PCDHGB5: variants seen among roughly 807,000 people sequenced by gnomAD.
PCDHGB5 encodes the protein protocadherin gamma subfamily B, 5.
In PCDHGB5, 48 loss-of-function variants were observed where a neutral mutation model predicts 62.9. That is an observed-to-expected ratio of 0.76 (90% CI 0.61 to 0.97). The LOEUF is 0.97. Among genes scored for constraint, PCDHGB5 ranks in the 50% least tolerant of loss-of-function variants. PCDHGB5 has a pLI of 0.00. For synonymous variants in PCDHGB5, 474 were observed against 511.2 expected (o/e 0.93, Z 0.98); for missense variants, 1,118 against 1,198.6 (o/e 0.93, Z 0.99).
rs759742074 is a variant in PCDHGB5 at position 141,403,012 on chromosome 5, G to T, written c.2397+2488G>T. On this transcript the variant is annotated intron_variant, in intron 1 of 3. Transcript: ENST00000617380. ...GATTAGTCCTGCTATGCTCGCTCCT[G>T]GGGATGCTATGGGAGGCCAGGGCCA... 8.1e-6 allele frequency: 13 copies of T among 1,614,072 alleles called. 1 individual carries two copies. The South Asian group carries it at 1.4e-4, about 18-fold the overall frequency.
In PCDHGB5 at chr5:141,477,967, C is replaced by T. The variant is rs756216038; in HGVS notation, c.2398-16840C>T. Reference sequence around the variant, plus strand: ...GTCTCTTGGGATCCCCTAACCAGAGCCTTTTTGCCATAGGGCTGCACACTG... The same window carrying T: ...GTCTCTTGGGATCCCCTAACCAGAGTCTTTTTGCCATAGGGCTGCACACTG... On this transcript the variant is annotated intron_variant, in intron 1 of 3. Coordinates refer to ENST00000617380, the MANE Select transcript of PCDHGB5 (RefSeq NM_018925.3). This position sits in a 1 kb window ranked among gnomAD's most constrained non-coding sequence, Gnocchi z 4.9. The T allele has an allele frequency of 8.7e-6, 14 of 1,614,032 alleles. No individual in the cohort carries two copies. In the South Asian group the frequency reaches 1.2e-4, roughly 14 times the overall value.
rs780541121 is a variant in PCDHGB5 at position 141,477,533 on chromosome 5, G to A, written c.2398-17274G>A. ...TTACATTGAAGAAAACAACCTCCCCGGGGCTCCAATACTAAACCTAAGTGT... is the reference window on the plus strand; with the variant it reads ...TTACATTGAAGAAAACAACCTCCCCAGGGCTCCAATACTAAACCTAAGTGT... On this transcript the variant is annotated intron_variant, in intron 1 of 3. Coordinates refer to ENST00000617380, the MANE Select transcript of PCDHGB5 (RefSeq NM_018925.3). This position sits in a 1 kb window ranked among gnomAD's most constrained non-coding sequence, Gnocchi z 4.9. The A allele has an allele frequency of 6.2e-7, 1 of 1,614,010 alleles. No individual in the cohort carries two copies. The highest frequency in any genetic ancestry group is 1.1e-5 in the South Asian group (1 of 91,066).
intron 1 of PCDHGB5, chr5:141,424,504 GT>G (rs892941709): frequency 6.6e-6 from 1 of 152,016 alleles, no homozygotes; most frequent in Non-Finnish European, 1.5e-5. Context: ...TGTATGGAAG[GT>G]TTTTTAATGT....
intron 1 of PCDHGB5, chr5:141,415,906 A>C (rs2154546200): frequency 1.3e-6 from 1 of 784,990 alleles, no homozygotes; most frequent in East Asian, 3.5e-5. Context: ...ACAGACTTCC[A>C]TACAGAAGTG....
rs771408685 is a variant in PCDHGB5, at chr5:141,486,166, G to T, written c.2398-8641G>T. ...GCGATGGGGGTTCTCCAGCCATGGA[G>T]CAACATTGCAGCCTTCGAGTGGATC... is the stretch of plus-strand genomic sequence containing the variant. On this transcript the variant is annotated intron_variant, in intron 1 of 3. Transcript: ENST00000617380. The surrounding 1 kb of genome is among the most constrained non-coding windows in gnomAD (Gnocchi z 5.0). 1.9e-6 allele frequency: 3 copies of T among 1,614,106 alleles called. No homozygotes were observed. Among genetic ancestry groups the T allele is most frequent in the Non-Finnish European group, 2.5e-6 (3 of 1,180,048 alleles).
At position 141,399,672 on chromosome 5, in the gene PCDHGB5, C is replaced by T. The variant is rs1322373656; in HGVS notation, c.1545C>T (p.Ala515=). The T allele has an allele frequency of 6.2e-7, 1 of 1,613,510 alleles. No homozygotes were observed. The highest frequency in any genetic ancestry group is 1.7e-5 in the Admixed American group (1 of 60,008). ...AQSGVVFAQR[A]FDYEQLRTFE... is the part of the protein sequence containing the mutation. ...GTGGGGTGGTGTTCGCGCAGCGCGC[C>T]TTTGACTACGAGCAGCTGCGCACCT... The change falls in exon 1 of 4, where the codon GCC becomes GCT. Residue 515 remains alanine (A), a synonymous_variant. Coordinates refer to ENST00000617380, the MANE Select transcript of PCDHGB5 (RefSeq NM_018925.3).
At chr5:141,408,280 C>A in intron 1 of PCDHGB5, 4 of 1,612,648 alleles carry the variant, frequency 2.5e-6, no homozygotes, top group Non-Finnish European at 3.4e-6. Context: ...CTTTGTTCTA[C>A]CCCACCCTGA....
chr5:141,419,613 G>T (rs369914837), intron 1 of PCDHGB5: 144 of 1,612,020 alleles, frequency 8.9e-5, no homozygotes, highest in Admixed American at 1.5e-4. Context: ...GCGCAGCCAG[G>T]CTACCTGGTG....
rs1385557537 is a variant in PCDHGB5 at position 141,415,739 on chromosome 5, GGTT to G, written c.2397+15216_2397+15218del. 2.0e-4 allele frequency: 88 copies of G among 435,112 alleles called. 2 individuals are homozygous for G. In the African/African-American group the frequency reaches 2.4e-3, roughly 12 times the overall value. 27.0% of individuals were successfully genotyped at this position (435,112 alleles called of 1,614,324 possible). A position where few individuals can be genotyped will look rare whatever the true frequency, so the allele number is the denominator to read the frequency against. On this transcript the variant is annotated intron_variant, in intron 1 of 3. Coordinates refer to ENST00000617380, the MANE Select transcript of PCDHGB5 (RefSeq NM_018925.3). ...ATGAGTAGAATTTGATGTTTATTAA[GGTT>G]TTTTTTTTTTTTTTTTTTTTTTTTT...
At chr5:141,407,261 C>G (rs1396861077) in intron 1 of PCDHGB5, among the ~76,000 whole-genome samples, 1 of 152,128 alleles carries the variant, frequency 6.6e-6, no homozygotes, top group Non-Finnish European at 1.5e-5. Flanking sequence ...TATTTTTAAC[C>G]ATGCAACAAG....
chr5:141,449,154 A>G (rs2098630387), intron 1 of PCDHGB5, among the ~76,000 whole-genome samples: 1 of 152,180 alleles, frequency 6.6e-6, no homozygotes, highest in African/African-American at 2.4e-5. Flanking sequence ...TGGGTCAAAG[A>G]GGAAATAGGT....
At chr5:141,430,925 C>G (rs1313621122) in intron 1 of PCDHGB5, 2 of 1,607,162 alleles carry the variant, frequency 1.2e-6, no homozygotes, top group Non-Finnish European at 8.5e-7. Context: ...GGGGCTGGAG[C>G]CCCGGGAGCT....
chr5:141,457,413 A>C (rs939244132), intron 1 of PCDHGB5, among the ~76,000 whole-genome samples: 6 of 152,142 alleles, frequency 3.9e-5, no homozygotes, highest in Non-Finnish European at 5.9e-5. Flanking sequence ...CACATTACCC[A>C]TCCCTTTTTC....
chr5:141,400,192 G>A lies in PCDHGB5; in HGVS notation c.2065G>A (p.Val689Met), dbSNP rs1411721247. 6.2e-7 allele frequency: 1 copy of A among 1,614,088 alleles called. No individual in the cohort carries two copies. The highest frequency in any genetic ancestry group is 1.1e-5 in the South Asian group (1 of 91,088). Residue 689 changes from valine (V) to methionine (M), a missense_variant, in exon 1 of 4, where the codon GTG (valine) becomes ATG (methionine). Around this residue, in one of 2 missense-constraint regions of PCDHGB5, gnomAD observed 1,034 missense variants for 1,029.1 expected, o/e 1.00. Coordinates refer to ENST00000617380, the MANE Select transcript of PCDHGB5 (RefSeq NM_018925.3). Reference protein sequence around the residue: ...DPQAELQFYLVVALALISVLF... With the variant: ...DPQAELQFYLMVALALISVLF... Reference sequence around the variant, plus strand: ...CCAGGCTGAGCTGCAGTTTTACCTAGTGGTGGCCTTGGCCTTGATCTCAGT... The same window carrying A: ...CCAGGCTGAGCTGCAGTTTTACCTAATGGTGGCCTTGGCCTTGATCTCAGT...
At position 141,491,752 on chromosome 5, in the gene PCDHGB5, G is replaced by C. The variant is rs1464731659; in HGVS notation, c.2398-3055G>C. 6 of 1,586,646 alleles carry C rather than the reference G, an allele frequency of 3.8e-6. No homozygotes were observed. The African/African-American group carries it at 8.1e-5, about 21-fold the overall frequency. On this transcript the variant is annotated intron_variant, in intron 1 of 3. Transcript: ENST00000617380. The surrounding 1 kb of genome is among the most constrained non-coding windows in gnomAD (Gnocchi z 6.9). ...GACCCCTGGGGGCGGCACTGGAGAA[G>C]CCGCCCGTCCTCATAAGGGATTGAA...
In PCDHGB5 at chr5:141,486,005, A is replaced by G. The variant is rs1057476811; in HGVS notation, c.2398-8802A>G. On this transcript the variant is annotated intron_variant, in intron 1 of 3. Transcript: ENST00000617380. This position sits in a 1 kb window ranked among gnomAD's most constrained non-coding sequence, Gnocchi z 5.0. Reference sequence around the variant, plus strand: ...GGACCTGGGTCCCAGTGGTAACGTCACCTTTTATTTCAGTGGTCATACCCC... The same window carrying G: ...GGACCTGGGTCCCAGTGGTAACGTCGCCTTTTATTTCAGTGGTCATACCCC... 1.9e-6 allele frequency: 3 copies of G among 1,613,936 alleles called. No homozygotes were observed. The Admixed American group carries it at 5.0e-5, about 27-fold the overall frequency.
At chr5:141,413,661 T>G (rs2095664313) in intron 1 of PCDHGB5, 1 of 1,613,886 alleles carries the variant, frequency 6.2e-7, no homozygotes. Flanking sequence ...CGGAAGCTAT[T>G]GATCCGGATG....
chr5:141,418,738 T>G lies in PCDHGB5; in HGVS notation c.2397+18214T>G, dbSNP rs781221446. 4.3e-6 allele frequency: 7 copies of G among 1,613,964 alleles called. No homozygotes were observed. In the South Asian group the frequency reaches 6.6e-5, roughly 15 times the overall value. On this transcript the variant is annotated intron_variant, in intron 1 of 3. Transcript: ENST00000617380. ...CTGACAAAGCTCAGCACGTGTTCTC[T>G]CTGGATTACACTACAGGAAACATTC...
intron 3 of PCDHGB5, among the ~76,000 whole-genome samples, chr5:141,510,089 C>G (rs2099879446): frequency 6.6e-6 from 1 of 152,136 alleles, no homozygotes; most frequent in African/African-American, 2.4e-5. Flanking sequence ...GCCTGGCACA[C>G]AGTAGGTGCT....
Sources: allele counts gnomAD v4.1 joint callset (sites outside exome capture counted in the v4.1 genomes callset), GRCh38; gene constraint gnomAD v4.1.1; regional missense constraint gnomAD v4.1.1; non-coding constraint Gnocchi (gnomAD v3.1); transcripts MANE v1.5; gene names NCBI Gene and HGNC (gene_info 2026-07-23, HGNC 2026-07-21).